PTPRT: variants seen among roughly 807,000 people sequenced by gnomAD.
PTPRT encodes receptor-type tyrosine-protein phosphatase T.
PTPRT carries 56 observed loss-of-function variants against 176.8 expected under a neutral mutation model. The observed-to-expected ratio is 0.32, with a 90% CI of 0.26 to 0.40. The LOEUF (loss-of-function observed/expected upper bound fraction) is 0.40. Ranked by LOEUF, PTPRT falls within the 10% of genes least tolerant of loss-of-function variation. PTPRT has a pLI of 1.00. For missense variants in PTPRT, 1,540 were observed against 1,908.2 expected, an observed-to-expected ratio of 0.81 and a Z score of 3.60; for synonymous variants, 783 against 739.0, an observed-to-expected ratio of 1.06 and a Z score of -0.96.
chr20:42,872,382 C>T (rs2078859824), intron 2 of PTPRT, among the ~76,000 whole-genome samples: 1 of 152,198 alleles, frequency 6.6e-6, no homozygotes, highest in East Asian at 1.9e-4. Flanking sequence ...TGCAGCTCTG[C>T]AAGGATGCGT....
At chr20:42,910,401 T>G (rs1317876728) in intron 1 of PTPRT, among the ~76,000 whole-genome samples, 1 of 152,182 alleles carries the variant, frequency 6.6e-6, no homozygotes, top group Admixed American at 6.5e-5. Flanking sequence ...AATGAAAATT[T>G]TTATATCCTC....
chr20:42,195,557 A>C (rs1466902326), intron 16 of PTPRT, among the ~76,000 whole-genome samples: 1 of 152,144 alleles, frequency 6.6e-6, no homozygotes, highest in Non-Finnish European at 1.5e-5. Context: ...CAGTCAAAAG[A>C]TCCTGAGAGT....
chr20:42,860,451 T>C (rs1218203401), intron 2 of PTPRT, among the ~76,000 whole-genome samples: 1 of 152,244 alleles, frequency 6.6e-6, no homozygotes, highest in Admixed American at 6.5e-5. Context: ...TGCTTATACA[T>C]TTCTATTGCA....
intron 16 of PTPRT, among the ~76,000 whole-genome samples, chr20:42,182,181 C>A (rs1271306017): frequency 6.6e-6 from 1 of 152,178 alleles, no homozygotes. Context: ...TCATGTCATT[C>A]TGAGCCTTGT....
At chr20:42,176,892 A>T (rs540737468) in intron 16 of PTPRT, among the ~76,000 whole-genome samples, 2,323 of 152,316 alleles carry the variant, frequency 0.015, 68 homozygotes, top group African/African-American at 0.053. Flanking sequence ...GTGGGTGGAT[A>T]AAAGCTTCCT....
At position 43,177,876 on chromosome 20, in the gene PTPRT, T is replaced by TG. The variant is rs1473377806; in HGVS notation, c.88+11769_88+11770insC. 3.9e-5 allele frequency among the ~76,000 whole-genome samples: 6 copies of TG among 152,346 alleles called. No individual in the cohort carries two copies. In the East Asian group the frequency reaches 1.2e-3, roughly 29 times the overall value. On this transcript the variant is annotated intron_variant, in intron 1 of 30. Coordinates refer to ENST00000373187, the MANE Select transcript of PTPRT (RefSeq NM_007050.6). The stretch of plus-strand genomic sequence containing the variant: ...AGGCAGCAGTAACTTTGAAATTTGT[T>TG]CAAATTAATTGCACTTTTCCAACAA...
At chr20:42,816,884 A>G (rs1274652256) in intron 2 of PTPRT, among the ~76,000 whole-genome samples, 1 of 152,196 alleles carries the variant, frequency 6.6e-6, no homozygotes, top group Non-Finnish European at 1.5e-5. Context: ...TATGGAGAAA[A>G]GCCTAAAAAT....
At chr20:42,286,531 T>A (rs2057233049) in intron 12 of PTPRT, among the ~76,000 whole-genome samples, 1 of 151,938 alleles carries the variant, frequency 6.6e-6, no homozygotes, top group African/African-American at 2.4e-5. Context: ...ATCATCCATA[T>A]TCAGAAGAAC....
In PTPRT at chr20:42,075,161, C is replaced by A. The variant is rs747863647; in HGVS notation, c.*5718G>T. The A allele has an allele frequency of 3.8e-5, 11 of 291,362 alleles. No individual in the cohort carries two copies. The highest frequency in any genetic ancestry group is 3.2e-5 in the Non-Finnish European group (5 of 157,614). The allele number at this position is 291,362 out of a possible 1,614,324, so 18.0% of individuals were successfully genotyped here. Reference sequence around the variant, plus strand: ...CTTTGCATGGGAGGAGTAAACAAATCTGAATCTCAGCTTGTCTCTTCTAGT... The same window carrying A: ...CTTTGCATGGGAGGAGTAAACAAATATGAATCTCAGCTTGTCTCTTCTAGT... On this transcript the variant is annotated 3_prime_UTR_variant, in exon 31 of 31. Coordinates refer to ENST00000373187, the MANE Select transcript of PTPRT (RefSeq NM_007050.6).
At chr20:42,620,563 T>C (rs1399865581) in intron 7 of PTPRT, among the ~76,000 whole-genome samples, 1 of 151,452 alleles carries the variant, frequency 6.6e-6, no homozygotes, top group East Asian at 1.9e-4. Flanking sequence ...TGCAGTTTGA[T>C]CTCAGACTGC....
chr20:42,812,602 A>G (rs529212952), intron 2 of PTPRT, among the ~76,000 whole-genome samples: 45 of 152,220 alleles, frequency 3.0e-4, no homozygotes, highest in African/African-American at 9.6e-4. Flanking sequence ...TTTGATTTGC[A>G]CATTCAGTTA....
chr20:43,101,164 T>C (rs1293323699), intron 1 of PTPRT, among the ~76,000 whole-genome samples: 3 of 152,130 alleles, frequency 2.0e-5, no homozygotes, highest in Non-Finnish European at 4.4e-5. Flanking sequence ...CATACAAAGA[T>C]AAGAAAATTC....
intron 1 of PTPRT, among the ~76,000 whole-genome samples, chr20:43,100,610 T>A (rs1229297174): frequency 6.6e-6 from 1 of 152,140 alleles, no homozygotes; most frequent in Non-Finnish European, 1.5e-5. Context: ...TCCATAACTA[T>A]CACAAAATGT....
chr20:42,871,709 C>A (rs1233642667), intron 2 of PTPRT, among the ~76,000 whole-genome samples: 2 of 152,054 alleles, frequency 1.3e-5, no homozygotes, highest in African/African-American at 4.8e-5. Context: ...TACTAAATGC[C>A]ATTTGTTGAA....
chr20:42,503,940 A>C (rs1167556314), intron 7 of PTPRT, among the ~76,000 whole-genome samples: 1 of 152,076 alleles, frequency 6.6e-6, no homozygotes, highest in Non-Finnish European at 1.5e-5. Flanking sequence ...AGGTCACCTT[A>C]TGAGGGAATC....
At chr20:42,402,483 T>TA (rs3061921) in intron 9 of PTPRT, among the ~76,000 whole-genome samples, 2,987 of 94,856 alleles carry the variant, frequency 0.031, 101 homozygotes, top group African/African-American at 0.083. Flanking sequence ...ATAGTGCAGT[T>TA]AAAAAAAAAA....
chr20:42,510,303 C>T (rs1258671036), intron 7 of PTPRT, among the ~76,000 whole-genome samples: 1 of 151,998 alleles, frequency 6.6e-6, no homozygotes, highest in South Asian at 2.1e-4. Context: ...ATGGTGCAGT[C>T]CTACAGCCCT....
intron 27 of PTPRT, among the ~76,000 whole-genome samples, chr20:42,089,204 C>A (rs182596223): frequency 1.3e-5 from 2 of 152,196 alleles, no homozygotes; most frequent in Admixed American, 6.5e-5. Flanking sequence ...GATGACAAAT[C>A]CACAATTTGA....
chr20:42,314,363 C>A (rs1351134927), intron 12 of PTPRT, among the ~76,000 whole-genome samples: 1 of 151,512 alleles, frequency 6.6e-6, no homozygotes, highest in Non-Finnish European at 1.5e-5. Flanking sequence ...CCCGTCTCTA[C>A]CAAAAATACA....
Sources: gnomAD v4.1 joint callset for allele counts (sites outside exome capture counted in the v4.1 genomes callset) on GRCh38, gnomAD v4.1.1 for gene constraint, MANE v1.5 for transcripts, NCBI Gene and HGNC (gene_info 2026-07-23, HGNC 2026-07-21) for gene names.